Variants in SPIDR observed in about 807,000 individuals in gnomAD.
The protein encoded by SPIDR is scaffold protein involved in DNA repair, also known as DNA repair-scaffolding protein.
SPIDR carries 93 observed loss-of-function variants against 104.6 expected under a neutral mutation model. The observed-to-expected ratio is 0.89, with a 90% CI of 0.75 to 1.06. SPIDR has a LOEUF of 1.06. Ranked by LOEUF, SPIDR falls within the 50% of genes least tolerant of loss-of-function variation. The probability of loss-of-function intolerance (pLI) is 0.00; values close to 1 mark genes in which losing one functional copy is unlikely to be tolerated. For missense variants in SPIDR, 1,154 were observed against 1,111.2 expected, an observed-to-expected ratio of 1.04 and a Z score of -0.55; for synonymous variants, 431 against 416.9, an observed-to-expected ratio of 1.03 and a Z score of -0.41.
At chr8:47,418,522 G>T (rs1298883138) in intron 7 of SPIDR, among the ~76,000 whole-genome samples, 2 of 152,192 alleles carry the variant, frequency 1.3e-5, no homozygotes, top group Admixed American at 1.3e-4. Context: ...ATTTTGGGCT[G>T]AGACGATGGG....
At position 47,675,186 on chromosome 8, in the gene SPIDR, G is replaced by A. The variant is rs138318967; in HGVS notation, c.1685+1245G>A. Among the ~76,000 whole-genome samples the A allele has an allele frequency of 8.1e-3, 1,226 of 152,124 alleles. 19 individuals carry two copies. The highest frequency in any genetic ancestry group is 0.028 in the African/African-American group (1,154 of 41,506). ...CAAGTAGCTGGAATTACAGGCATGC[G>A]CCACTACGCCCAGCTAATTTTCTGT... On this transcript the variant is annotated intron_variant, in intron 11 of 19. Transcript: ENST00000297423.
At chr8:47,489,014 G>A (rs1379268515) in intron 8 of SPIDR, among the ~76,000 whole-genome samples, 21 of 152,182 alleles carry the variant, frequency 1.4e-4, no homozygotes, top group Non-Finnish European at 2.6e-4. Context: ...CAGTCAGGCA[G>A]GAGAAAGAAA....
At chr8:47,499,877 G>A (rs569986198) in intron 8 of SPIDR, among the ~76,000 whole-genome samples, 53 of 152,020 alleles carry the variant, frequency 3.5e-4, no homozygotes, top group African/African-American at 1.3e-3. Context: ...TCACCTATGA[G>A]TGAGAACATG....
chr8:47,422,359 T>C (rs781810009), intron 7 of SPIDR, among the ~76,000 whole-genome samples: 2 of 152,218 alleles, frequency 1.3e-5, no homozygotes, highest in South Asian at 2.1e-4. Flanking sequence ...GATTTCAGAC[T>C]GCTGTGCTAG....
chr8:47,594,440 C>G (rs958990179), intron 8 of SPIDR, among the ~76,000 whole-genome samples: 1 of 151,948 alleles, frequency 6.6e-6, no homozygotes, highest in East Asian at 1.9e-4. Context: ...CTGGGGTGCT[C>G]TCATTACAGC....
chr8:47,599,491 A>G (rs925311120), intron 10 of SPIDR, among the ~76,000 whole-genome samples: 4 of 152,212 alleles, frequency 2.6e-5, no homozygotes, highest in African/African-American at 4.8e-5. Flanking sequence ...TATTCTGGAA[A>G]AGCCAAGACA....
chr8:47,503,189 CCTTGTT>C (rs1454394196), intron 8 of SPIDR, among the ~76,000 whole-genome samples: 11 of 152,100 alleles, frequency 7.2e-5, no homozygotes, highest in Non-Finnish European at 1.5e-4. Context: ...TCCTGAATAT[CCTTGTT>C]AACTTTCTGT....
intron 3 of SPIDR, among the ~76,000 whole-genome samples, chr8:47,285,128 G>A (rs1326713452): frequency 6.6e-6 from 1 of 152,198 alleles, no homozygotes; most frequent in Non-Finnish European, 1.5e-5. Flanking sequence ...CCTAATTAAA[G>A]GTGCTTCAGT....
At chr8:47,690,751 G>A (rs1219489349) in intron 11 of SPIDR, among the ~76,000 whole-genome samples, 3 of 152,098 alleles carry the variant, frequency 2.0e-5, no homozygotes, top group African/African-American at 4.8e-5. Flanking sequence ...CCCAGGAGGC[G>A]GAGGTTGCAG....
At chr8:47,725,382 A>G (rs2084067812) in intron 16 of SPIDR, among the ~76,000 whole-genome samples, 1 of 151,906 alleles carries the variant, frequency 6.6e-6, no homozygotes, top group African/African-American at 2.4e-5. Context: ...ATTTAAGTGA[A>G]TGTCTTTTGT....
intron 4 of SPIDR, 41 bp downstream of exon 4, chr8:47,291,178 G>T (rs1349201643): frequency 2.9e-6 from 4 of 1,371,596 alleles, no homozygotes; most frequent in Middle Eastern, 1.8e-4. Context: ...TTTGTAACAG[G>T]AACATATTGT....
chr8:47,579,801 T>G (rs1282135575), intron 8 of SPIDR, among the ~76,000 whole-genome samples: 1 of 152,230 alleles, frequency 6.6e-6, no homozygotes, highest in Non-Finnish European at 1.5e-5. Flanking sequence ...CCCGTCAGTT[T>G]GTGTCCCTTC....
At chr8:47,661,576 C>T (rs6986054) in intron 10 of SPIDR, among the ~76,000 whole-genome samples, 102,314 of 152,148 alleles carry the variant, frequency 0.67, 34,782 homozygotes, top group East Asian at 0.81. Context: ...TTGAGCCCGC[C>T]GTGGCCTGGC....
At chr8:47,579,164 C>T (rs191141068) in intron 8 of SPIDR, among the ~76,000 whole-genome samples, 195 of 152,282 alleles carry the variant, frequency 1.3e-3, no homozygotes, top group Non-Finnish European at 1.6e-3. Context: ...GTAGCAAGCA[C>T]TATTGACATT....
chr8:47,586,390 C>T (rs2060252353), intron 8 of SPIDR, among the ~76,000 whole-genome samples: 1 of 152,154 alleles, frequency 6.6e-6, no homozygotes, highest in African/African-American at 2.4e-5. Context: ...AATGTAGTTT[C>T]TCCACATCCT....
At chr8:47,353,762 G>C (rs1173164536) in intron 5 of SPIDR, among the ~76,000 whole-genome samples, 1 of 148,608 alleles carries the variant, frequency 6.7e-6, no homozygotes, top group Non-Finnish European at 1.5e-5. Flanking sequence ...CTTTTGCCAA[G>C]AACACAGTGT....
intron 6 of SPIDR, among the ~76,000 whole-genome samples, chr8:47,404,924 T>C (rs2062504167): frequency 6.6e-6 from 1 of 152,178 alleles, no homozygotes; most frequent in Non-Finnish European, 1.5e-5. Context: ...TGTGGCACTA[T>C]TCACAATAGC....
intron 8 of SPIDR, among the ~76,000 whole-genome samples, chr8:47,535,801 T>C (rs1195046997): frequency 6.6e-6 from 1 of 150,758 alleles, no homozygotes; most frequent in Non-Finnish European, 1.5e-5. Context: ...AAACTAGATG[T>C]TTTCCCACTG....
chr8:47,551,468 G>C (rs1398734601), intron 8 of SPIDR, among the ~76,000 whole-genome samples: 4 of 152,272 alleles, frequency 2.6e-5, no homozygotes, highest in Middle Eastern at 3.4e-3. Context: ...AGTCTATTGA[G>C]AGATTCAACT....
Sources: gnomAD v4.1 joint callset for allele counts (sites outside exome capture counted in the v4.1 genomes callset) on GRCh38, gnomAD v4.1.1 for gene constraint, MANE v1.5 for transcripts, NCBI Gene and HGNC (gene_info 2026-07-23, HGNC 2026-07-21) for gene names.